The following PTPRG variants were observed in gnomAD, a reference collection of about 807,000 sequenced individuals.
The protein encoded by PTPRG is receptor-type tyrosine-protein phosphatase gamma.
In PTPRG, 102 loss-of-function variants were observed where a neutral mutation model predicts 165.3. That is an observed-to-expected ratio of 0.62 (90% CI 0.53 to 0.73). PTPRG has a LOEUF of 0.73. Among genes scored for constraint, PTPRG ranks in the 30% least tolerant of loss-of-function variants. The pLI is 0.00. For synonymous variants in PTPRG, 675 were observed against 669.5 expected, an observed-to-expected ratio of 1.01 and a Z score of -0.13; for missense variants, 1,866 against 1,861.4, an observed-to-expected ratio of 1.00 and a Z score of -0.05.
At chr3:62,117,166 A>C (rs1010999878) in intron 5 of PTPRG, among the ~76,000 whole-genome samples, 1 of 152,300 alleles carries the variant, frequency 6.6e-6, no homozygotes, top group South Asian at 2.1e-4. Context: ...TTAGTCATTT[A>C]TAGAGGGTTA....
At chr3:62,127,703 C>G (rs1459992470) in intron 5 of PTPRG, among the ~76,000 whole-genome samples, 2 of 152,148 alleles carry the variant, frequency 1.3e-5, no homozygotes, top group Admixed American at 6.5e-5. Flanking sequence ...ATGGCCAGGA[C>G]TTGATAGAGC....
At chr3:61,673,015 T>A (rs955965075) in intron 1 of PTPRG, among the ~76,000 whole-genome samples, 2 of 151,884 alleles carry the variant, frequency 1.3e-5, no homozygotes, top group Non-Finnish European at 2.9e-5. Flanking sequence ...AAAAATTAGC[T>A]GGGTGTGGTG....
chr3:62,211,115 T>A (rs1266658233), intron 12 of PTPRG, among the ~76,000 whole-genome samples: 1 of 152,220 alleles, frequency 6.6e-6, no homozygotes, highest in African/African-American at 2.4e-5. Flanking sequence ...TGTTCATCAA[T>A]GAGTGAATGG....
intron 2 of PTPRG, among the ~76,000 whole-genome samples, chr3:61,888,322 G>GTTTTTTTTTT (rs745595266): frequency 4.8e-4 from 71 of 149,332 alleles, no homozygotes; most frequent in African/African-American, 1.4e-3. Context: ...AAAATGGGTT[G>GTTTTTTTTTT]TTTTTTTTGT....
At chr3:61,729,950 T>C (rs2032425493) in intron 1 of PTPRG, among the ~76,000 whole-genome samples, 1 of 152,178 alleles carries the variant, frequency 6.6e-6, no homozygotes, top group South Asian at 2.1e-4. Context: ...AATATAATGA[T>C]TGATTAGTTT....
In PTPRG at chr3:61,879,596, A is replaced by G. The variant is rs1366117770; in HGVS notation, c.191-110029A>G. Among the ~76,000 whole-genome samples, 5 of 152,280 alleles carry G rather than the reference A, an allele frequency of 3.3e-5. No individual in the cohort carries two copies. The East Asian group carries it at 7.7e-4, about 23-fold the overall frequency. On this transcript the variant is annotated intron_variant, in intron 2 of 29. Transcript: ENST00000474889. ...GGGATATGTTCTGACACTTTGCTCA[A>G]TTAGTTTATTGGATCTAATAGTTGT...
chr3:62,067,412 A>T (rs1321612009), intron 4 of PTPRG, among the ~76,000 whole-genome samples: 2 of 151,988 alleles, frequency 1.3e-5, no homozygotes, highest in East Asian at 3.9e-4. Context: ...GGCACGAGGG[A>T]CCGGTTTTGG....
intron 1 of PTPRG, among the ~76,000 whole-genome samples, chr3:61,656,037 A>G (rs2107004686): frequency 7.2e-6 from 1 of 138,448 alleles, no homozygotes. Context: ...CAACATAGCA[A>G]GACCCCCCCC....
chr3:61,962,705 GA>G (rs1360841904), intron 2 of PTPRG, among the ~76,000 whole-genome samples: 1 of 146,830 alleles, frequency 6.8e-6, no homozygotes, highest in Non-Finnish European at 1.5e-5. Context: ...CCTCACACAT[GA>G]ATCATACTTA....
chr3:61,684,449 G>T (rs1046554010), intron 1 of PTPRG, among the ~76,000 whole-genome samples: 1 of 152,174 alleles, frequency 6.6e-6, no homozygotes, highest in South Asian at 2.1e-4. Context: ...AGTCATTTCT[G>T]TGTGGGTTTT....
chr3:61,620,904 C>T (rs371799878), intron 1 of PTPRG, among the ~76,000 whole-genome samples: 3 of 151,934 alleles, frequency 2.0e-5, no homozygotes, highest in African/African-American at 7.3e-5. Context: ...GCTGGGATTA[C>T]AGGCGTGAGC....
At chr3:62,081,847 A>G (rs1297034347) in intron 5 of PTPRG, among the ~76,000 whole-genome samples, 1 of 152,210 alleles carries the variant, frequency 6.6e-6, no homozygotes, top group Non-Finnish European at 1.5e-5. Context: ...TATATTTCCA[A>G]ATTCAAACCT....
chr3:61,927,719 A>T (rs1342731938), intron 2 of PTPRG, among the ~76,000 whole-genome samples: 1 of 152,202 alleles, frequency 6.6e-6, no homozygotes, highest in African/African-American at 2.4e-5. Flanking sequence ...TTAAAAGCTC[A>T]CTACAGGATG....
At chr3:61,967,711 A>C (rs754767461) in intron 2 of PTPRG, among the ~76,000 whole-genome samples, 5 of 152,178 alleles carry the variant, frequency 3.3e-5, no homozygotes. Flanking sequence ...AATTTGGCTA[A>C]TTTGAACAAA....
chr3:61,964,429 G>A (rs1429111012), intron 2 of PTPRG, among the ~76,000 whole-genome samples: 3 of 152,106 alleles, frequency 2.0e-5, no homozygotes, highest in Non-Finnish European at 2.9e-5. Flanking sequence ...CTCCTGGGTG[G>A]CATTGTCACA....
In PTPRG at chr3:61,657,162, A is replaced by G. The variant is rs143993578; in HGVS notation, c.86-91716A>G. On this transcript the variant is annotated intron_variant, in intron 1 of 29. Transcript: ENST00000474889. ...CAAAGGGGTATTATTGTCTACCGGT[A>G]ATAAACTGTGGGGGTGGAGGGGAGC... Among the ~76,000 whole-genome samples the G allele has an allele frequency of 1.1e-3, 169 of 152,252 alleles. 2 individuals carry two copies. Among genetic ancestry groups the G allele is most frequent in the African/African-American group, 3.8e-3 (159 of 41,546 alleles).
chr3:62,168,618 C>T (rs1369239817), intron 8 of PTPRG, among the ~76,000 whole-genome samples: 1 of 152,142 alleles, frequency 6.6e-6, no homozygotes, highest in Non-Finnish European at 1.5e-5. Context: ...CACATAAGGT[C>T]TAGGGGAGCA....
intron 14 of PTPRG, among the ~76,000 whole-genome samples, chr3:62,239,451 T>G (rs1559693536): frequency 7.0e-6 from 1 of 141,922 alleles, no homozygotes; most frequent in African/African-American, 2.6e-5. Flanking sequence ...AACCTCTGCC[T>G]CCCAGGTTCC....
Position 62,074,425 on chromosome 3 carries a change from T to C in PTPRG, c.520-3738T>C, listed in dbSNP as rs1376873403. On this transcript the variant is annotated intron_variant, in intron 4 of 29. Transcript: ENST00000474889. ...GGCTGGAGTGCAGTGGAGCCCTCAGTAGCCTCAATAGCCTCAACCTCCTGG... is the reference window on the plus strand; with the variant it reads ...GGCTGGAGTGCAGTGGAGCCCTCAGCAGCCTCAATAGCCTCAACCTCCTGG... Among the ~76,000 whole-genome samples, 6 of 145,606 alleles carry C rather than the reference T, an allele frequency of 4.1e-5. No homozygotes were observed. In the Admixed American group the frequency reaches 4.2e-4, roughly 10 times the overall value.
Sources: gnomAD v4.1 joint callset for allele counts (sites outside exome capture counted in the v4.1 genomes callset) on GRCh38, gnomAD v4.1.1 for gene constraint, MANE v1.5 for transcripts, NCBI Gene and HGNC (gene_info 2026-07-23, HGNC 2026-07-21) for gene names.